CSMD2: variants seen among roughly 807,000 people sequenced by gnomAD.
The protein encoded by CSMD2 is CUB and sushi domain-containing protein 2.
A neutral mutation model predicts 398.5 loss-of-function variants in CSMD2; 130 were observed. The ratio of observed to expected loss-of-function variants is 0.33; its 90% CI spans 0.28 to 0.38. CSMD2 has a LOEUF of 0.38. Ranked by LOEUF, CSMD2 falls within the 10% of genes least tolerant of loss-of-function variation. CSMD2 has a pLI of 1.00. For missense variants in CSMD2, 3,829 were observed against 4,764.9 expected (o/e 0.80, Z 5.78); for synonymous variants, 1,828 against 1,908.5 (o/e 0.96, Z 1.10).
intron 35 of CSMD2, 50 bp from the exon 36 acceptor site, chr1:33,623,516 C>T (rs1641904590): frequency 1.5e-6 from 2 of 1,324,390 alleles, no homozygotes; most frequent in Non-Finnish European, 2.2e-6. Flanking sequence ...GCGTCCCTCC[C>T]TCCTTCTCTG....
chr1:34,079,092 C>G (rs1319444178), intron 2 of CSMD2, among the ~76,000 whole-genome samples: 1 of 152,146 alleles, frequency 6.6e-6, no homozygotes, highest in Non-Finnish European at 1.5e-5. Context: ...CAAATCATGC[C>G]AAAATCCTCT....
chr1:33,853,904 C>A (rs928828169), intron 5 of CSMD2, among the ~76,000 whole-genome samples: 1 of 152,170 alleles, frequency 6.6e-6, no homozygotes, highest in Non-Finnish European at 1.5e-5. Flanking sequence ...AACCAGCTAA[C>A]CTTAAAATCT....
chr1:33,631,183 C>T (rs112896500), intron 32 of CSMD2, among the ~76,000 whole-genome samples: 38 of 151,960 alleles, frequency 2.5e-4, no homozygotes, highest in African/African-American at 7.2e-4. Context: ...GATGAATGCA[C>T]GATGCAGGAT....
At chr1:33,728,888 T>C (rs985890975) in intron 15 of CSMD2, among the ~76,000 whole-genome samples, 1 of 152,186 alleles carries the variant, frequency 6.6e-6, no homozygotes, top group African/African-American at 2.4e-5. Context: ...GGAGAGTAAA[T>C]TGTGTATGTG....
At chr1:33,835,714 CA>C (rs113819483) in intron 6 of CSMD2, among the ~76,000 whole-genome samples, 20 of 135,146 alleles carry the variant, frequency 1.5e-4, no homozygotes, top group Admixed American at 2.2e-4. Flanking sequence ...AAATACATTT[CA>C]AAAAAAAAAA....
chr1:33,514,266 A>C lies in CSMD2; in HGVS notation c.*2358T>G, dbSNP rs1653560362. The C allele has an allele frequency of 7.4e-6, 1 of 135,722 alleles. No individual in the cohort carries two copies. Among genetic ancestry groups the C allele is most frequent in the South Asian group, 2.6e-4 (1 of 3,898 alleles). 8.4% of individuals were successfully genotyped at this position (135,722 alleles called of 1,614,324 possible). ...ACTACCGTTTACCTACAATAATGAA[A>C]AAAAAATTTACACCTTTTTTTTTTT... is the stretch of plus-strand genomic sequence containing the variant. On this transcript the variant is annotated 3_prime_UTR_variant, in exon 71 of 71. Transcript: ENST00000373381.
chr1:33,610,778 C>T (rs1640942518), intron 41 of CSMD2, among the ~76,000 whole-genome samples: 1 of 151,716 alleles, frequency 6.6e-6, no homozygotes, highest in African/African-American at 2.4e-5. Flanking sequence ...GGGCCACTTG[C>T]CCAGGGACAG....
chr1:34,007,260 G>T lies in CSMD2; in HGVS notation c.517+25334C>A, dbSNP rs77362114. Among the ~76,000 whole-genome samples, 111 of 152,210 alleles carry T rather than the reference G, an allele frequency of 7.3e-4. No individual in the cohort carries two copies. The East Asian group carries it at 0.02, about 28-fold the overall frequency. On this transcript the variant is annotated intron_variant, in intron 3 of 70. Coordinates refer to ENST00000373381, the MANE Select transcript of CSMD2 (RefSeq NM_001281956.2). The stretch of plus-strand genomic sequence containing the variant: ...GCCTCATGGAAGTGCCCACTCTGGG[G>T]AAAGCATACAAGGAGCACTTACTCG...
chr1:33,803,141 G>A (rs894171091), intron 10 of CSMD2, among the ~76,000 whole-genome samples: 5 of 152,122 alleles, frequency 3.3e-5, no homozygotes, highest in Non-Finnish European at 5.9e-5. Context: ...CTCTTCCTGT[G>A]TTTGCATCAC....
intron 3 of CSMD2, among the ~76,000 whole-genome samples, chr1:33,945,716 C>T (rs1302339244): frequency 2.6e-5 from 4 of 152,120 alleles, no homozygotes; most frequent in African/African-American, 9.7e-5. Context: ...GCCTTGGTCC[C>T]TTGGAGGAAG....
intron 48 of CSMD2, among the ~76,000 whole-genome samples, 184 bp from the exon 49 acceptor site, chr1:33,577,668 C>T (rs778699999): frequency 5.3e-5 from 8 of 151,972 alleles, no homozygotes; most frequent in South Asian, 2.1e-4. Context: ...TTGGTAAAGC[C>T]GAAACAAAAC....
At chr1:33,957,192 A>G (rs966074182) in intron 3 of CSMD2, among the ~76,000 whole-genome samples, 16 of 152,042 alleles carry the variant, frequency 1.1e-4, no homozygotes, top group African/African-American at 3.1e-4. Context: ...TTTACTGTCT[A>G]TCTTCCCTAC....
intron 70 of CSMD2, among the ~76,000 whole-genome samples, chr1:33,517,911 CCCA>C (rs1262749668): frequency 2.0e-5 from 3 of 152,218 alleles, no homozygotes; most frequent in Non-Finnish European, 4.4e-5. Context: ...AGGAACTGTC[CCCA>C]CCATCTCTGT....
intron 4 of CSMD2, among the ~76,000 whole-genome samples, chr1:33,928,931 C>T (rs866581302): frequency 6.6e-6 from 1 of 152,204 alleles, no homozygotes; most frequent in Non-Finnish European, 1.5e-5. Context: ...TTTCCCAGAT[C>T]TCTTTCTAGC....
chr1:33,669,788 T>C (rs1327716423), intron 25 of CSMD2, among the ~76,000 whole-genome samples: 1 of 151,700 alleles, frequency 6.6e-6, no homozygotes, highest in African/African-American at 2.4e-5. Context: ...ACTGATATCG[T>C]AAGAGAAAAG....
intron 26 of CSMD2, among the ~76,000 whole-genome samples, chr1:33,660,218 TG>T (rs1181718936): frequency 1.3e-5 from 2 of 152,226 alleles, no homozygotes; most frequent in African/African-American, 4.8e-5. Flanking sequence ...GGAGTAATAA[TG>T]GTGCCCATAC....
intron 3 of CSMD2, among the ~76,000 whole-genome samples, chr1:34,029,856 A>G (rs1428741593): frequency 6.6e-6 from 1 of 152,224 alleles, no homozygotes; most frequent in African/African-American, 2.4e-5. Context: ...GACACCTGAC[A>G]TCATTATGTG....
intron 44 of CSMD2, 60 bp from the exon 45 acceptor site, chr1:33,587,228 T>C: frequency 8.2e-7 from 1 of 1,214,452 alleles, no homozygotes; most frequent in South Asian, 1.4e-5. Context: ...TACACCGTCA[T>C]TCATTTGTTC....
In CSMD2 at chr1:33,698,926, C is replaced by T. The variant is rs1423312092; in HGVS notation, c.3752G>A (p.Cys1251Tyr). 1 of 1,613,960 alleles carries T rather than the reference C, an allele frequency of 6.2e-7. No homozygotes were observed. Among genetic ancestry groups the T allele is most frequent in the Admixed American group, 1.7e-5 (1 of 60,016 alleles). ...LHFSSFELIK[C>Y]EDPGTPKFGY... is the part of the protein sequence containing the mutation. ...AAACTTGGGGGTTCCTGGGTCCTCA[C>T]ATTTGATGAGTTCAAAGCCTGGTGA... Residue 1251 changes from cysteine (C) to tyrosine (Y), a missense_variant, in exon 24 of 71, where the codon TGT (cysteine) becomes TAT (tyrosine). By Grantham distance (194) the Cys-to-Tyr change is radical (BLOSUM62 -2). Around this residue, in one of 5 missense-constraint regions of CSMD2, gnomAD observed 2,001 missense variants for 2,567.1 expected, o/e 0.78. Transcript: ENST00000373381.
Sources: gnomAD v4.1 joint callset for allele counts (sites outside exome capture counted in the v4.1 genomes callset) on GRCh38, gnomAD v4.1.1 for gene constraint, gnomAD v4.1.1 regional missense constraint, MANE v1.5 for transcripts, NCBI Gene and HGNC (gene_info 2026-07-23, HGNC 2026-07-21) for gene names.